The following C1orf54 variants were observed in gnomAD, a reference collection of about 807,000 sequenced individuals.
C1orf54 encodes chromosome 1 open reading frame 54, also known as uncharacterized protein C1orf54.
C1orf54 carries 12 observed loss-of-function variants against 14.7 expected under a neutral mutation model. The ratio of observed to expected loss-of-function variants is 0.82; its 90% CI spans 0.52 to 1.32. The LOEUF is 1.32. Ranked by LOEUF, C1orf54 falls within the 40% of genes most tolerant of loss-of-function variation. The pLI, the probability that C1orf54 is intolerant of heterozygous loss-of-function variation, is 0.00. For missense variants in C1orf54, 163 were observed against 162.2 expected (o/e 1.00, Z -0.03); for synonymous variants, 65 against 56.3 (o/e 1.16, Z -0.70).
At position 150,274,070 on chromosome 1, in the gene C1orf54, A is replaced by G; in HGVS notation, c.47-17A>G. 6.4e-7 allele frequency: 1 copy of G among 1,573,122 alleles called. No homozygotes were observed. Among genetic ancestry groups the G allele is most frequent in the South Asian group, 1.1e-5 (1 of 90,150 alleles). On this transcript the variant is annotated splice_polypyrimidine_tract_variant and intron_variant, in intron 1 of 5. Coordinates refer to ENST00000369099, the MANE Select transcript of C1orf54 (RefSeq NM_024579.4). Reference sequence around the variant, plus strand: ...GTGTTCCAGATGTCCCTTGACCTCTAGTCCTTGTCCCCATAGGACAAGAAT... The same window carrying G: ...GTGTTCCAGATGTCCCTTGACCTCTGGTCCTTGTCCCCATAGGACAAGAAT...
Position 150,275,750 on chromosome 1 carries a change from G to T in C1orf54, c.140G>T (p.Ser47Ile). ...YTVTPSYDDF[S>I]ADFTIDYSIF... ...TCTTTCTCCTCTGCAGATGACTTTAGTGCAGATTTCACCATTGATTACTCC... is the reference window on the plus strand; with the variant it reads ...TCTTTCTCCTCTGCAGATGACTTTATTGCAGATTTCACCATTGATTACTCC... The change falls in exon 3 of 6, where the codon AGT becomes ATT. Residue 47 changes from serine to isoleucine, a missense_variant. Ser to Ile is a moderately radical substitution (Grantham distance 142). Coordinates refer to ENST00000369099, the MANE Select transcript of C1orf54 (RefSeq NM_024579.4). The T allele has an allele frequency of 6.2e-7, 1 of 1,610,976 alleles. No homozygotes were observed.
chr1:150,271,011 A>AT (rs1652175235), upstream of C1orf54, among the ~76,000 whole-genome samples: 642 of 151,320 alleles, frequency 4.2e-3, 11 homozygotes, highest in African/African-American at 0.015. Context: ...AAAAAAAAAA[A>AT]AAATTAAGAG....
upstream of C1orf54, chr1:150,272,736 G>C (rs782818972): frequency 7.1e-7 from 1 of 1,412,734 alleles, no homozygotes; most frequent in Non-Finnish European, 1.0e-6. Context: ...CTGCTTTGGA[G>C]GAGGAGGGGA....
At chr1:150,274,696 T>G (rs1572103019) in intron 2 of C1orf54, among the ~76,000 whole-genome samples, 1 of 151,646 alleles carries the variant, frequency 6.6e-6, no homozygotes. Flanking sequence ...GTGGATCACC[T>G]GCGGTCAGGA....
intron 2 of C1orf54, 56 bp from the exon 3 acceptor site, chr1:150,275,685 C>A: frequency 2.1e-6 from 3 of 1,395,632 alleles, no homozygotes; most frequent in South Asian, 1.2e-5. Flanking sequence ...TTTTCATTTC[C>A]AGATCTAGAG....
chr1:150,273,031 G>A (rs1652332740), intron 1 of C1orf54, among the ~76,000 whole-genome samples, 168 bp downstream of exon 1: 1 of 152,088 alleles, frequency 6.6e-6, no homozygotes, highest in South Asian at 2.1e-4. Context: ...CTGGAAGGCA[G>A]AGCCAGGAAA....
rs182168973 is a variant in C1orf54, at chr1:150,280,458, T to G, written c.*4-377T>G. ...AAGCTAGTTCCAGCCTGGCCACGTT[T>G]CAAGTCATGGCGAATGCCAGAGGGC... is the stretch of plus-strand genomic sequence containing the variant. On this transcript the variant is annotated intron_variant, in intron 5 of 5. Transcript: ENST00000369099. Among the ~76,000 whole-genome samples the G allele has an allele frequency of 1.9e-4, 29 of 152,312 alleles. No individual in the cohort carries two copies. The East Asian group carries it at 5.4e-3, about 28-fold the overall frequency.
intron 2 of C1orf54, 147 bp from the exon 3 acceptor site, chr1:150,275,594 T>C (rs1652585251): frequency 1.6e-6 from 1 of 617,470 alleles, no homozygotes; most frequent in Non-Finnish European, 2.7e-6. Context: ...TCACAGTCAT[T>C]TTTAACATTA....
upstream of C1orf54, chr1:150,272,295 C>G (rs1198553175): frequency 3.2e-5 from 5 of 158,624 alleles, no homozygotes; most frequent in East Asian, 9.3e-4. Flanking sequence ...TCCAGACAGA[C>G]AGAAGAAAGG....
rs1414364697 is a variant in C1orf54 at position 150,280,893 on chromosome 1, TAAAA to T, written c.*63_*66del. ...AGTCTGGCAAGAGGAAATTGGAAGA[TAAAA>T]TAAATAATAAGTGAAATAATCTGGT... On this transcript the variant is annotated 3_prime_UTR_variant, in exon 6 of 6. Transcript: ENST00000369099. The T allele has an allele frequency of 3.2e-6, 5 of 1,548,964 alleles. No individual in the cohort carries two copies. Among genetic ancestry groups the T allele is most frequent in the Non-Finnish European group, 4.4e-6 (5 of 1,145,756 alleles).
chr1:150,274,084 T>A lies in C1orf54; in HGVS notation c.47-3T>A, dbSNP rs782234048. On this transcript the variant is annotated splice_region_variant and splice_polypyrimidine_tract_variant and intron_variant, in intron 1 of 5. Transcript: ENST00000369099. The stretch of plus-strand genomic sequence containing the variant: ...CCTTGACCTCTAGTCCTTGTCCCCA[T>A]AGGACAAGAATATGAGGATGAAGAA... 6 of 1,602,324 alleles carry A rather than the reference T, an allele frequency of 3.7e-6. No homozygotes were observed. In the East Asian group the frequency reaches 1.3e-4, roughly 36 times the overall value.
At chr1:150,273,710 C>A (rs587713237) in intron 1 of C1orf54, among the ~76,000 whole-genome samples, 2 of 152,286 alleles carry the variant, frequency 1.3e-5, no homozygotes, top group African/African-American at 4.8e-5. Context: ...AGATGTCTCA[C>A]AAATACAGTA....
intron 4 of C1orf54, among the ~76,000 whole-genome samples, chr1:150,277,502 TAAAAAAAAAAAAAA>T (rs71083896): frequency 4.8e-5 from 2 of 41,328 alleles, no homozygotes; most frequent in Non-Finnish European, 4.6e-5. Flanking sequence ...GACTCTATAC[TAAAAAAAAAAAAAA>T]AAAAAAAAAA....
chr1:150,274,544 G>A (rs1385431434), intron 2 of C1orf54, among the ~76,000 whole-genome samples: 1 of 151,506 alleles, frequency 6.6e-6, no homozygotes, highest in Non-Finnish European at 1.5e-5. Context: ...AGGTTGCAGT[G>A]AGCTGAGATC....
chr1:150,276,386 G>C (rs1220055794), intron 3 of C1orf54, 136 bp from the exon 4 acceptor site: 4 of 679,354 alleles, frequency 5.9e-6, no homozygotes, highest in Non-Finnish European at 1.0e-5. Flanking sequence ...CAAGCATAGG[G>C]TAGGGGGGAA....
chr1:150,277,499 T>TCA (rs1235256110), intron 4 of C1orf54, among the ~76,000 whole-genome samples: 1 of 107,014 alleles, frequency 9.3e-6, no homozygotes, highest in Non-Finnish European at 1.8e-5. Context: ...TGAGACTCTA[T>TCA]ACTAAAAAAA....
At chr1:150,275,894 T>C in intron 3 of C1orf54, 95 bp downstream of exon 3, 1 of 1,143,962 alleles carries the variant, frequency 8.7e-7, no homozygotes, top group Non-Finnish European at 1.3e-6. Context: ...CCCAGCACTT[T>C]GGGAGGCCAA....
rs1553851898 is a variant in C1orf54 at position 150,274,124 on chromosome 1, T to A, written c.84T>A (p.Asp28Glu). The A allele has an allele frequency of 1.2e-6, 2 of 1,612,732 alleles. No individual in the cohort carries two copies. Among genetic ancestry groups the A allele is most frequent in the Admixed American group, 1.7e-5 (1 of 60,022 alleles). ...AGGATGAAGAAAGACTGGGAGAGGA[T>A]GAATATTATCAGGTGGTCTATTATT... ...EYEDEERLGE[D>E]EYYQVVYYYT... The change falls in exon 2 of 6, where the codon GAT (aspartate) becomes GAA (glutamate). Residue 28 changes from aspartate to glutamate, a missense_variant. Coordinates refer to ENST00000369099, the MANE Select transcript of C1orf54 (RefSeq NM_024579.4).
At chr1:150,268,948 G>C, upstream of C1orf54, 1 of 674,434 alleles carries the variant, frequency 1.5e-6, no homozygotes, top group Non-Finnish European at 2.5e-6. Context: ...AGACCCCGGG[G>C]AAGGGGAAGG....
Sources: gnomAD v4.1 joint callset for allele counts (sites outside exome capture counted in the v4.1 genomes callset) on GRCh38, gnomAD v4.1.1 for gene constraint, MANE v1.5 for transcripts, NCBI Gene and HGNC (gene_info 2026-07-23, HGNC 2026-07-21) for gene names.